WHRN: variants seen among roughly 807,000 people sequenced by gnomAD.
WHRN encodes whirlin, also known as CASK-interacting protein CIP98.
In WHRN, 41 loss-of-function variants were observed where a neutral mutation model predicts 68.3. The observed-to-expected ratio is 0.60, with a 90% confidence interval of 0.47 to 0.78. The LOEUF is 0.78. Among genes scored for constraint, WHRN ranks in the 30% least tolerant of loss-of-function variants. WHRN has a pLI of 0.00. For synonymous variants in WHRN, 560 were observed against 561.3 expected (o/e 1.00, Z 0.03); for missense variants, 1,243 against 1,244.7 (o/e 1.00, Z 0.02).
At chr9:114,497,385 A>G (rs964414634) in intron 1 of WHRN, among the ~76,000 whole-genome samples, 23 of 152,234 alleles carry the variant, frequency 1.5e-4, no homozygotes, top group African/African-American at 5.3e-4. Context: ...GTAAAGGAAG[A>G]AAAAATAAAT....
intron 3 of WHRN, among the ~76,000 whole-genome samples, chr9:114,453,008 C>T (rs1396332830): frequency 6.6e-6 from 1 of 152,218 alleles, no homozygotes; most frequent in Admixed American, 6.5e-5. Context: ...TCCACACCTG[C>T]TTCCTGTTTC....
intron 6 of WHRN, 103 bp from the exon 7 acceptor site, chr9:114,423,626 C>A (rs925703671): frequency 1.2e-4 from 135 of 1,157,196 alleles, no homozygotes; most frequent in Non-Finnish European, 1.6e-4. Flanking sequence ...TTGACCCTGC[C>A]TCCCCTCCTT....
chr9:114,406,866 C>T lies in WHRN; in HGVS notation c.1725G>A (p.Gly575=), dbSNP rs1333495064. Reference sequence around the variant, plus strand: ...GAGGCAGTGGCTTGAAGCTTGACAGCCCCTGGGAGGTGGATCTGACATCAT... The same window carrying T: ...GAGGCAGTGGCTTGAAGCTTGACAGTCCCTGGGAGGTGGATCTGACATCAT... ...SVDDVRSTSQ[G]LSSFKPLPRP... The change falls in exon 9 of 12, where the codon GGG becomes GGA. Residue 575 remains glycine, a synonymous_variant. Transcript: ENST00000362057. 1.3e-6 allele frequency: 2 copies of T among 1,587,428 alleles called. No homozygotes were observed. The highest frequency in any genetic ancestry group is 1.7e-6 in the Non-Finnish European group (2 of 1,167,078).
chr9:114,406,515 G>C lies in WHRN; in HGVS notation c.2076C>G (p.Pro692=). ...RVQSPPHLKS[P]SAEATVAGGC... Reference sequence around the variant, plus strand: ...CCCCAGCCACTGTGGCCTCTGCAGAGGGGCTTTTCAGGTGCGGGGGTGACT... The same window carrying C: ...CCCCAGCCACTGTGGCCTCTGCAGACGGGCTTTTCAGGTGCGGGGGTGACT... Residue 692 remains proline (P), a synonymous_variant, in exon 9 of 12, where the codon CCC becomes CCG. Transcript: ENST00000362057. 6.2e-7 allele frequency: 1 copy of C among 1,614,130 alleles called. No homozygotes were observed. The highest frequency in any genetic ancestry group is 8.5e-7 in the Non-Finnish European group (1 of 1,180,038).
chr9:114,438,646 G>T lies in WHRN; in HGVS notation c.964-12233C>A, dbSNP rs545671234. ...TTTTTGTATTTTTAGTAGAGATGGG[G>T]TTTCACCTGTTAGCCAGGATGGTCG... On this transcript the variant is annotated intron_variant, in intron 3 of 11. Transcript: ENST00000362057. 2.6e-5 allele frequency among the ~76,000 whole-genome samples: 4 copies of T among 151,964 alleles called. No homozygotes were observed. The East Asian group carries it at 7.8e-4, about 30-fold the overall frequency.
chr9:114,475,356 C>A (rs1238407727), intron 2 of WHRN, among the ~76,000 whole-genome samples: 1 of 152,118 alleles, frequency 6.6e-6, no homozygotes, highest in Non-Finnish European at 1.5e-5. Context: ...CACCCTGCCC[C>A]GTTCACTTCT....
chr9:114,403,148 C>T, intron 11 of WHRN, 69 bp downstream of exon 11: 3 of 1,609,080 alleles, frequency 1.9e-6, no homozygotes. Flanking sequence ...GTCGCAAAAC[C>T]CTGGAGATGC....
At chr9:114,446,957 T>C (rs7025068) in intron 3 of WHRN, among the ~76,000 whole-genome samples, 145,875 of 150,798 alleles carry the variant, frequency 0.97, 70,740 homozygotes, top group East Asian at 1. Flanking sequence ...AGCCCGCCTG[T>C]CCGTCCCTGA....
At chr9:114,439,194 T>C (rs574821594) in intron 3 of WHRN, among the ~76,000 whole-genome samples, 1 of 152,204 alleles carries the variant, frequency 6.6e-6, no homozygotes, top group Non-Finnish European at 1.5e-5. Flanking sequence ...TACCTTTTTG[T>C]ATAGTTTTGA....
At chr9:114,486,186 T>C (rs1440230558) in intron 1 of WHRN, among the ~76,000 whole-genome samples, 2 of 152,162 alleles carry the variant, frequency 1.3e-5, no homozygotes, top group East Asian at 1.9e-4. Context: ...CGAATCTATA[T>C]GGACACAAAC....
intron 7 of WHRN, among the ~76,000 whole-genome samples, chr9:114,416,530 T>G (rs1335999318): frequency 1.3e-5 from 2 of 152,162 alleles, no homozygotes; most frequent in Non-Finnish European, 2.9e-5. Flanking sequence ...TGTACAGGAC[T>G]TCCCCCTTCT....
chr9:114,456,422 G>A (rs1185315799), intron 3 of WHRN, among the ~76,000 whole-genome samples: 3 of 152,064 alleles, frequency 2.0e-5, no homozygotes, highest in Non-Finnish European at 2.9e-5. Context: ...GAAAGGAACC[G>A]ACTTAAGTAG....
At chr9:114,422,279 G>A (rs553766940) in intron 7 of WHRN, among the ~76,000 whole-genome samples, 2 of 152,316 alleles carry the variant, frequency 1.3e-5, no homozygotes, top group African/African-American at 4.8e-5. Context: ...TAGAAGAGTG[G>A]TGATGAATGA....
At position 114,491,036 on chromosome 9, in the gene WHRN, G is replaced by A. The variant is rs145613739; in HGVS notation, c.619-12265C>T. 1.1e-4 allele frequency among the ~76,000 whole-genome samples: 17 copies of A among 152,174 alleles called. No homozygotes were observed. The East Asian group carries it at 3.3e-3, about 29-fold the overall frequency. ...TTTAAGGAAGAACAAGATTCTCAGAGTCATAAATATATTCACTCAAGATGA... is the reference window on the plus strand; with the variant it reads ...TTTAAGGAAGAACAAGATTCTCAGAATCATAAATATATTCACTCAAGATGA... On this transcript the variant is annotated intron_variant, in intron 1 of 11. Transcript: ENST00000362057.
At chr9:114,485,701 A>C (rs1211786436) in intron 1 of WHRN, among the ~76,000 whole-genome samples, 1 of 145,824 alleles carries the variant, frequency 6.9e-6, no homozygotes, top group Non-Finnish European at 1.5e-5. Flanking sequence ...CTAAATAAAT[A>C]AGTATATAAA....
intron 1 of WHRN, among the ~76,000 whole-genome samples, chr9:114,486,722 G>T (rs1842497485): frequency 1.3e-5 from 2 of 150,508 alleles, no homozygotes; most frequent in South Asian, 4.2e-4. Flanking sequence ...CAGCCCTGGA[G>T]GTAGGCTGTG....
intron 1 of WHRN, among the ~76,000 whole-genome samples, chr9:114,499,237 T>C (rs949602715): frequency 1.1e-4 from 17 of 152,228 alleles, no homozygotes; most frequent in Admixed American, 3.3e-4. Flanking sequence ...ATTCCTATTC[T>C]CTGCACCCTT....
At chr9:114,501,338 T>C (rs1325825626) in intron 1 of WHRN, among the ~76,000 whole-genome samples, 1 of 152,198 alleles carries the variant, frequency 6.6e-6, no homozygotes, top group Non-Finnish European at 1.5e-5. Flanking sequence ...CTGCTGATTT[T>C]GCAAATGGGT....
intron 7 of WHRN, among the ~76,000 whole-genome samples, chr9:114,414,623 C>T (rs368279009): frequency 3.3e-5 from 5 of 152,322 alleles, no homozygotes; most frequent in African/African-American, 7.2e-5. Flanking sequence ...GAAAGAGCTT[C>T]CAGCAATCCC....
Sources: allele counts gnomAD v4.1 joint callset (sites outside exome capture counted in the v4.1 genomes callset), GRCh38; gene constraint gnomAD v4.1.1; transcripts MANE v1.5; gene names NCBI Gene and HGNC (gene_info 2026-07-23, HGNC 2026-07-21).